Variants in CDH13 observed in about 807,000 individuals in gnomAD.
CDH13 encodes the protein cadherin-13.
A neutral mutation model predicts 63.8 loss-of-function variants in CDH13; 24 were observed. The observed-to-expected ratio is 0.38, with a 90% confidence interval of 0.27 to 0.53. The LOEUF is 0.53. Ranked by LOEUF, CDH13 falls within the 20% of genes least tolerant of loss-of-function variation. The probability of loss-of-function intolerance (pLI) is 0.85; values close to 1 mark genes in which losing one functional copy is unlikely to be tolerated. For missense variants in CDH13, 1,049 were observed against 903.1 expected (o/e 1.16, Z -2.07); for synonymous variants, 503 against 355.3 (o/e 1.42, Z -4.67).
At chr16:83,111,256 A>T (rs142121042) in intron 3 of CDH13, among the ~76,000 whole-genome samples, 1 of 152,186 alleles carries the variant, frequency 6.6e-6, no homozygotes, top group South Asian at 2.1e-4. Flanking sequence ...AGAGTAAAAA[A>T]AATCCCTAAT....
Position 83,132,680 on chromosome 16 carries a change from G to A in CDH13, c.483+7179G>A, listed in dbSNP as rs78329328. On this transcript the variant is annotated intron_variant, in intron 4 of 13. Coordinates refer to ENST00000567109, the MANE Select transcript of CDH13 (RefSeq NM_001257.5). ...AGACTCATCTGGATCCATCTGCCTCGGCCTCCCAAAGGGTGGGGATTACAA... is the reference window on the plus strand; with the variant it reads ...AGACTCATCTGGATCCATCTGCCTCAGCCTCCCAAAGGGTGGGGATTACAA... Among the ~76,000 whole-genome samples, 40 of 151,914 alleles carry A rather than the reference G, an allele frequency of 2.6e-4. No homozygotes were observed. In the South Asian group the frequency reaches 5.2e-3, roughly 20 times the overall value.
chr16:82,755,125 C>T (rs1433377387), intron 1 of CDH13, among the ~76,000 whole-genome samples: 3 of 152,166 alleles, frequency 2.0e-5, no homozygotes, highest in Admixed American at 2.0e-4. Flanking sequence ...AAAATATATG[C>T]AGTGTTCTCT....
intron 2 of CDH13, among the ~76,000 whole-genome samples, chr16:82,868,639 T>C (rs1429361355): frequency 6.6e-6 from 1 of 152,170 alleles, no homozygotes; most frequent in African/African-American, 2.4e-5. Context: ...TTCTTATCAG[T>C]AGAATGGAAG....
chr16:83,338,184 T>TAAAAA (rs5818440), intron 5 of CDH13, among the ~76,000 whole-genome samples: 103 of 135,072 alleles, frequency 7.6e-4, no homozygotes, highest in Admixed American at 4.5e-3. Flanking sequence ...CTCTTCTTTT[T>TAAAAA]AAAAAAAAAA....
chr16:83,100,499 A>C (rs1011152687), intron 3 of CDH13, among the ~76,000 whole-genome samples: 3 of 152,200 alleles, frequency 2.0e-5, no homozygotes, highest in Non-Finnish European at 4.4e-5. Flanking sequence ...AGATTCTCCA[A>C]CTTACAGTCC....
intron 7 of CDH13, among the ~76,000 whole-genome samples, chr16:83,492,538 G>A (rs925604599): frequency 6.6e-6 from 1 of 152,106 alleles, no homozygotes; most frequent in Non-Finnish European, 1.5e-5. Flanking sequence ...GATGGAAAAA[G>A]TAGATGTAAA....
In CDH13 at chr16:83,136,781, C is replaced by T. The variant is rs531946167; in HGVS notation, c.483+11280C>T. On this transcript the variant is annotated intron_variant, in intron 4 of 13. Coordinates refer to ENST00000567109, the MANE Select transcript of CDH13 (RefSeq NM_001257.5). ...ATCAAACACCAGGGATGTTCCGCAG[C>T]CTGAATGCAGGTTCCCAGATTCGTA... is the stretch of plus-strand genomic sequence containing the variant. 3.3e-5 allele frequency among the ~76,000 whole-genome samples: 5 copies of T among 152,262 alleles called. No homozygotes were observed. The South Asian group carries it at 8.3e-4, about 25-fold the overall frequency.
chr16:82,760,656 A>G (rs1404364795), intron 1 of CDH13, among the ~76,000 whole-genome samples: 3 of 152,264 alleles, frequency 2.0e-5, no homozygotes, highest in Non-Finnish European at 2.9e-5. Context: ...TTGTGTTGCT[A>G]TAAAGGAATA....
rs1597321535 is a variant in CDH13, at chr16:83,092,975, A to T, written c.367-32410A>T. Among the ~76,000 whole-genome samples the T allele has an allele frequency of 2.6e-5, 4 of 152,348 alleles. No homozygotes were observed. The East Asian group carries it at 5.8e-4, about 22-fold the overall frequency. On this transcript the variant is annotated intron_variant, in intron 3 of 13. Transcript: ENST00000567109. ...TAAAAACTTCCCCAAGTTAGTAAGGAAGGCACTGTGATAGTATCTACTAAT... is the reference window on the plus strand; with the variant it reads ...TAAAAACTTCCCCAAGTTAGTAAGGTAGGCACTGTGATAGTATCTACTAAT...
At chr16:83,298,283 G>T (rs759284283) in intron 5 of CDH13, among the ~76,000 whole-genome samples, 6 of 151,788 alleles carry the variant, frequency 4.0e-5, no homozygotes, top group Admixed American at 6.6e-5. Flanking sequence ...GATGAGAAAA[G>T]AAAAAGAAAA....
At chr16:82,630,993 C>G (rs890944940) in intron 1 of CDH13, among the ~76,000 whole-genome samples, 2 of 152,218 alleles carry the variant, frequency 1.3e-5, no homozygotes, top group African/African-American at 4.8e-5. Context: ...AACTATTCTC[C>G]TTATTCCACA....
chr16:83,032,490 C>T (rs969222190), intron 3 of CDH13, among the ~76,000 whole-genome samples: 1 of 152,100 alleles, frequency 6.6e-6, no homozygotes, highest in African/African-American at 2.4e-5. Flanking sequence ...CTGTCCAAAT[C>T]AGCTTTAATC....
chr16:83,355,386 C>T (rs1338123065), intron 6 of CDH13, among the ~76,000 whole-genome samples: 1 of 152,094 alleles, frequency 6.6e-6, no homozygotes, highest in Non-Finnish European at 1.5e-5. Context: ...CAGAATCTAC[C>T]TTCAGTTCTC....
At chr16:83,106,050 T>G (rs1034068517) in intron 3 of CDH13, among the ~76,000 whole-genome samples, 1 of 152,244 alleles carries the variant, frequency 6.6e-6, no homozygotes, top group African/African-American at 2.4e-5. Context: ...GATGATTTTA[T>G]TCCACTGGTG....
intron 1 of CDH13, among the ~76,000 whole-genome samples, chr16:82,665,430 C>G (rs1382204516): frequency 6.6e-6 from 1 of 152,120 alleles, no homozygotes. Flanking sequence ...TGAACTGTGA[C>G]CAGAGGCTCA....
intron 8 of CDH13, among the ~76,000 whole-genome samples, chr16:83,658,158 C>G (rs1357695537): frequency 1.8e-3 from 249 of 141,408 alleles, no homozygotes; most frequent in Non-Finnish European, 2.9e-3. Context: ...ACCACCAGGT[C>G]CCATGTCCTC....
intron 6 of CDH13, among the ~76,000 whole-genome samples, chr16:83,393,675 C>A (rs926400045): frequency 6.6e-6 from 1 of 152,170 alleles, no homozygotes; most frequent in East Asian, 1.9e-4. Flanking sequence ...TTGAATCATT[C>A]ATTCATTGAA....
intron 7 of CDH13, among the ~76,000 whole-genome samples, chr16:83,500,714 A>G (rs2074265267): frequency 6.7e-6 from 1 of 149,508 alleles, no homozygotes; most frequent in Admixed American, 6.7e-5. Flanking sequence ...CTGGGATTAC[A>G]GGAAAGGCAC....
chr16:83,502,932 C>T (rs1057477324), intron 7 of CDH13, among the ~76,000 whole-genome samples: 8 of 152,176 alleles, frequency 5.3e-5, no homozygotes, highest in African/African-American at 1.9e-4. Flanking sequence ...ACCAGCCTGC[C>T]TGAGTTGGTA....
Sources: gnomAD v4.1 joint callset for allele counts (sites outside exome capture counted in the v4.1 genomes callset) on GRCh38, gnomAD v4.1.1 for gene constraint, MANE v1.5 for transcripts, NCBI Gene and HGNC (gene_info 2026-07-23, HGNC 2026-07-21) for gene names.